Variants in MROH9 observed in about 807,000 individuals in gnomAD.
MROH9 encodes the protein maestro heat like repeat family member 9, also known as maestro heat-like repeat-containing protein family member 9.
In MROH9, 92 loss-of-function variants were observed where a neutral mutation model predicts 98.2. That is an observed-to-expected ratio of 0.94 (90% CI 0.79 to 1.11). The LOEUF (loss-of-function observed/expected upper bound fraction) is 1.11, where lower values mean the gene tolerates loss of function less well. Ranked by LOEUF, MROH9 falls within the 50% of genes most tolerant of loss-of-function variation. MROH9 has a pLI of 0.00. For missense variants in MROH9, 1,057 were observed against 1,014.8 expected, an observed-to-expected ratio of 1.04 and a Z score of -0.57; for synonymous variants, 397 against 368.9, an observed-to-expected ratio of 1.08 and a Z score of -0.87.
At position 170,979,014 on chromosome 1, in the gene MROH9, A is replaced by G. The variant is rs187668349; in HGVS notation, c.617-4408A>G. Among the ~76,000 whole-genome samples the G allele has an allele frequency of 2.2e-4, 33 of 152,348 alleles. No homozygotes were observed. The East Asian group carries it at 6.4e-3, about 29-fold the overall frequency. On this transcript the variant is annotated intron_variant, in intron 8 of 21. Coordinates refer to ENST00000367759, the MANE Select transcript of MROH9 (RefSeq NM_001163629.2). The stretch of plus-strand genomic sequence containing the variant: ...AGATCCAAGCCAGGAGAACCTGTTC[A>G]GTGAAAGCTTAAATGATTGTTAGCA...
At chr1:171,056,336 G>A (rs1288207689) in intron 20 of MROH9, among the ~76,000 whole-genome samples, 3 of 152,134 alleles carry the variant, frequency 2.0e-5, no homozygotes, top group African/African-American at 7.2e-5. Context: ...GGTCCCAAAA[G>A]GTGTCCCCAA....
At chr1:171,012,129 T>C (rs1315362777) in intron 15 of MROH9, among the ~76,000 whole-genome samples, 1 of 152,118 alleles carries the variant, frequency 6.6e-6, no homozygotes, top group Non-Finnish European at 1.5e-5. Context: ...CTATTGAGTG[T>C]TTGAGTTCCT....
At chr1:170,940,847 C>T (rs187311062) in intron 1 of MROH9, among the ~76,000 whole-genome samples, 56 of 152,294 alleles carry the variant, frequency 3.7e-4, no homozygotes, top group Non-Finnish European at 6.5e-4. Context: ...TACTATGTTC[C>T]TAGGTAGAGG....
At chr1:170,963,248 T>C (rs763116926) in intron 6 of MROH9, among the ~76,000 whole-genome samples, 8 of 151,968 alleles carry the variant, frequency 5.3e-5, no homozygotes, top group Non-Finnish European at 8.8e-5. Flanking sequence ...TCATTGATGA[T>C]TAAAGAAATG....
intron 15 of MROH9, among the ~76,000 whole-genome samples, chr1:171,006,231 G>A (rs1211455923): frequency 6.6e-6 from 1 of 151,370 alleles, no homozygotes; most frequent in African/African-American, 2.4e-5. Flanking sequence ...TTTTCTTTCA[G>A]CACTTTGAAT....
intron 8 of MROH9, among the ~76,000 whole-genome samples, chr1:170,981,501 A>C (rs1309052432): frequency 6.6e-6 from 1 of 152,186 alleles, no homozygotes; most frequent in African/African-American, 2.4e-5. Flanking sequence ...TCAGCAAACT[A>C]ACACAGGAAC....
At chr1:170,970,543 G>T (rs989653228) in intron 7 of MROH9, among the ~76,000 whole-genome samples, 1 of 152,152 alleles carries the variant, frequency 6.6e-6, no homozygotes, top group Non-Finnish European at 1.5e-5. Flanking sequence ...CTCTTTGTAC[G>T]GGTGGAAAAG....
At chr1:171,039,590 G>A (rs73040218) in intron 20 of MROH9, among the ~76,000 whole-genome samples, 8,437 of 152,134 alleles carry the variant, frequency 0.055, 761 homozygotes, top group African/African-American at 0.19. Flanking sequence ...ATATCCTCCC[G>A]CTTAGCTGTG....
intron 15 of MROH9, among the ~76,000 whole-genome samples, chr1:171,001,965 T>TGGACAGGTAAAA (rs1651798832): frequency 6.6e-6 from 1 of 152,202 alleles, no homozygotes; most frequent in African/African-American, 2.4e-5. Context: ...ATTTTCCTGT[T>TGGACAGGTAAAA]GGACAAGGCC....
chr1:171,050,051 T>C (rs1170425841), intron 20 of MROH9, among the ~76,000 whole-genome samples: 2 of 152,214 alleles, frequency 1.3e-5, no homozygotes, highest in African/African-American at 4.8e-5. Context: ...GTCAAATGCA[T>C]ACTATGCAAA....
At chr1:170,972,827 A>ATACACAC (rs1491482500) in intron 8 of MROH9, among the ~76,000 whole-genome samples, 10 of 99,428 alleles carry the variant, frequency 1.0e-4, no homozygotes, top group Non-Finnish European at 1.5e-4. Flanking sequence ...AAAAAAAAAA[A>ATACACAC]ATACACACAC....
chr1:170,972,154 G>C (rs1161119037), intron 8 of MROH9, among the ~76,000 whole-genome samples: 1 of 152,134 alleles, frequency 6.6e-6, no homozygotes, highest in Non-Finnish European at 1.5e-5. Flanking sequence ...TGGATCCAGG[G>C]AGGACAGAGA....
intron 6 of MROH9, among the ~76,000 whole-genome samples, 175 bp from the exon 7 acceptor site, chr1:170,964,976 G>A (rs1650173987): frequency 6.6e-6 from 1 of 151,932 alleles, no homozygotes; most frequent in Non-Finnish European, 1.5e-5. Flanking sequence ...TTCCATAGTA[G>A]ATGAAGTAGT....
intron 20 of MROH9, 96 bp downstream of exon 20, chr1:171,025,516 T>TCATAAACA: frequency 1.3e-6 from 1 of 768,232 alleles, no homozygotes; most frequent in Non-Finnish European, 2.1e-6. Context: ...TTAATGTCTC[T>TCATAAACA]GTTTATGAGG....
chr1:171,024,203 C>T (rs1028592975), intron 17 of MROH9, among the ~76,000 whole-genome samples, 192 bp from the exon 18 acceptor site: 4 of 151,740 alleles, frequency 2.6e-5, no homozygotes, highest in African/African-American at 4.8e-5. Flanking sequence ...AAAAGATGCC[C>T]TAACTACTTG....
intron 20 of MROH9, among the ~76,000 whole-genome samples, chr1:171,027,885 C>CT (rs1011646433): frequency 6.6e-6 from 1 of 152,074 alleles, no homozygotes; most frequent in African/African-American, 2.4e-5. Context: ...CCTTTGCCCA[C>CT]TTTTTGAGGG....
intron 6 of MROH9, among the ~76,000 whole-genome samples, chr1:170,963,589 C>A (rs1042594709): frequency 1.3e-5 from 2 of 152,098 alleles, no homozygotes; most frequent in Admixed American, 1.3e-4. Context: ...ACCTAAATAA[C>A]CACCTGTGGT....
chr1:170,958,770 A>T (rs1649892541), intron 4 of MROH9, among the ~76,000 whole-genome samples: 1 of 152,170 alleles, frequency 6.6e-6, no homozygotes, highest in African/African-American at 2.4e-5. Context: ...CAGTTTGAAG[A>T]TGCATCTCAA....
rs186747714 is a variant in MROH9, at chr1:170,986,695, C to T, written c.864C>T (p.Ala288=). Residue 288 remains alanine (A), a synonymous_variant, in exon 10 of 22, where the codon GCC becomes GCT. Coordinates refer to ENST00000367759, the MANE Select transcript of MROH9 (RefSeq NM_001163629.2). ...TGATATTTACTCTGGAATTTCATGC[C>T]GAGAAGGTCACCATGGTAAGATACT... is the stretch of plus-strand genomic sequence containing the variant. The part of the protein sequence containing the change: ...SILIFTLEFH[A]EKVTMVSKIV... The T allele has an allele frequency of 1.4e-3, 2,201 of 1,613,482 alleles. 20 individuals carry two copies. The highest frequency in any genetic ancestry group is 6.5e-4 in the Non-Finnish European group (771 of 1,179,718).
Sources: allele counts gnomAD v4.1 joint callset (sites outside exome capture counted in the v4.1 genomes callset), GRCh38; gene constraint gnomAD v4.1.1; transcripts MANE v1.5; gene names NCBI Gene and HGNC (gene_info 2026-07-23, HGNC 2026-07-21).